NRG3: variants seen among roughly 807,000 people sequenced by gnomAD.
NRG3 encodes the protein pro-neuregulin-3, membrane-bound isoform.
A neutral mutation model predicts 66.9 loss-of-function variants in NRG3; 31 were observed. The observed-to-expected ratio is 0.46, with a 90% CI of 0.35 to 0.63. The LOEUF (loss-of-function observed/expected upper bound fraction) is 0.63, where lower values mean the gene tolerates loss of function less well. Ranked by LOEUF, NRG3 falls within the 20% of genes least tolerant of loss-of-function variation. The pLI is 0.00. For synonymous variants in NRG3, 393 were observed against 359.4 expected (o/e 1.09, Z -1.06); for missense variants, 910 against 878.9 (o/e 1.04, Z -0.45).
chr10:82,424,515 A>T (rs2089292053), intron 2 of NRG3, among the ~76,000 whole-genome samples: 1 of 152,026 alleles, frequency 6.6e-6, no homozygotes, highest in Non-Finnish European at 1.5e-5. Context: ...TTATTATATG[A>T]CATTTTCATA....
At chr10:82,166,375 A>G (rs2072062961) in intron 1 of NRG3, among the ~76,000 whole-genome samples, 1 of 152,086 alleles carries the variant, frequency 6.6e-6, no homozygotes, top group Non-Finnish European at 1.5e-5. Context: ...TTAGCTATAA[A>G]TCTCTGCTTT....
chr10:82,804,497 G>A (rs1045654163), intron 3 of NRG3, among the ~76,000 whole-genome samples: 1 of 152,074 alleles, frequency 6.6e-6, no homozygotes, highest in Admixed American at 6.5e-5. Context: ...ATCCACAGGG[G>A]GTCGAGGATA....
intron 2 of NRG3, among the ~76,000 whole-genome samples, chr10:82,425,592 G>A (rs964897480): frequency 6.6e-6 from 1 of 152,034 alleles, no homozygotes; most frequent in African/African-American, 2.4e-5. Context: ...TCTTCAGGCT[G>A]TGTTTTTTAT....
intron 4 of NRG3, among the ~76,000 whole-genome samples, chr10:82,938,824 C>G (rs1211188480): frequency 6.6e-6 from 1 of 152,188 alleles, no homozygotes; most frequent in African/African-American, 2.4e-5. Flanking sequence ...TGTTATTGTT[C>G]CAAGTCACAT....
chr10:82,301,571 A>G (rs2080400222), intron 1 of NRG3, among the ~76,000 whole-genome samples: 1 of 151,798 alleles, frequency 6.6e-6, no homozygotes, highest in Non-Finnish European at 1.5e-5. Flanking sequence ...CTATTCTGAA[A>G]GAAGCAAATT....
intron 1 of NRG3, among the ~76,000 whole-genome samples, chr10:82,338,036 T>C (rs965375103): frequency 1.3e-5 from 2 of 152,216 alleles, no homozygotes; most frequent in African/African-American, 4.8e-5. Flanking sequence ...TGCATCGATA[T>C]GAAGATGTAC....
chr10:82,543,116 T>C (rs1199831593), intron 2 of NRG3, among the ~76,000 whole-genome samples: 1 of 152,096 alleles, frequency 6.6e-6, no homozygotes, highest in Non-Finnish European at 1.5e-5. Context: ...GGTCTTGAAC[T>C]CCTGACCTCA....
intron 8 of NRG3, among the ~76,000 whole-genome samples, chr10:82,981,346 T>A (rs1365995539): frequency 6.6e-6 from 1 of 152,240 alleles, no homozygotes; most frequent in Non-Finnish European, 1.5e-5. Context: ...TGTTGATAAA[T>A]GGTGACTCTA....
At position 82,779,887 on chromosome 10, in the gene NRG3, C is replaced by T. The variant is rs370389497; in HGVS notation, c.1027+41237C>T. Among the ~76,000 whole-genome samples the T allele has an allele frequency of 1.4e-3, 206 of 147,678 alleles. 2 individuals carry two copies. Among genetic ancestry groups the T allele is most frequent in the African/African-American group, 5.0e-3 (199 of 39,952 alleles). On this transcript the variant is annotated intron_variant, in intron 3 of 8. Coordinates refer to ENST00000372141, the MANE Select transcript of NRG3 (RefSeq NM_001010848.4). ...ATCCCTCCCCTAGCCCCCCACCCCC[C>T]GACAGGCCCCGGTGTGATATTCTCC...
intron 2 of NRG3, among the ~76,000 whole-genome samples, chr10:82,551,994 C>G (rs1009657874): frequency 1.3e-5 from 2 of 151,874 alleles, no homozygotes; most frequent in African/African-American, 4.8e-5. Context: ...TGGGCCCATT[C>G]GAACTGTAGT....
chr10:82,901,442 G>A (rs1230121981), intron 4 of NRG3, among the ~76,000 whole-genome samples: 1 of 151,436 alleles, frequency 6.6e-6, no homozygotes, highest in African/African-American at 2.4e-5. Flanking sequence ...ACAAAAGGAT[G>A]GAAGCCAAAA....
intron 1 of NRG3, among the ~76,000 whole-genome samples, chr10:82,254,216 C>G (rs1041640339): frequency 6.6e-6 from 1 of 152,144 alleles, no homozygotes; most frequent in Non-Finnish European, 1.5e-5. Context: ...TCCAGATATG[C>G]TCACTTACTA....
In NRG3 at chr10:82,835,122, G is replaced by T. The variant is rs1003638296; in HGVS notation, c.1028-30289G>T. Among the ~76,000 whole-genome samples, 14 of 152,246 alleles carry T rather than the reference G, an allele frequency of 9.2e-5. No homozygotes were observed. In the South Asian group the frequency reaches 2.9e-3, roughly 32 times the overall value. On this transcript the variant is annotated intron_variant, in intron 3 of 8. Transcript: ENST00000372141. The stretch of plus-strand genomic sequence containing the variant: ...TCTGGTTTCCTGAGAGCTGCCTTTG[G>T]CAGTCACAGTTGGAAATGACATTTT...
At chr10:82,591,166 T>C (rs1055320182) in intron 2 of NRG3, among the ~76,000 whole-genome samples, 7 of 152,136 alleles carry the variant, frequency 4.6e-5, no homozygotes, top group Non-Finnish European at 8.8e-5. Flanking sequence ...CGGGCTTCCA[T>C]TGAGTTCTTA....
chr10:81,900,092 G>A (rs1170700260), intron 1 of NRG3, among the ~76,000 whole-genome samples: 2 of 151,804 alleles, frequency 1.3e-5, no homozygotes, highest in African/African-American at 4.8e-5. Flanking sequence ...GATTGCAGGC[G>A]CCTGCCACCA....
intron 1 of NRG3, among the ~76,000 whole-genome samples, chr10:81,918,061 T>A (rs1224631897): frequency 2.0e-5 from 3 of 152,216 alleles, no homozygotes; most frequent in Non-Finnish European, 4.4e-5. Flanking sequence ...ATACAATGGA[T>A]CTGTGTCCCG....
intron 4 of NRG3, among the ~76,000 whole-genome samples, chr10:82,913,468 T>A (rs747354666): frequency 2.0e-5 from 3 of 152,206 alleles, no homozygotes; most frequent in Non-Finnish European, 2.9e-5. Flanking sequence ...CTTAACATTT[T>A]TTGCAAGGTA....
intron 2 of NRG3, among the ~76,000 whole-genome samples, chr10:82,515,498 C>T (rs1845571181): frequency 1.3e-5 from 2 of 152,134 alleles, no homozygotes; most frequent in East Asian, 3.9e-4. Context: ...ATTGTTTCAC[C>T]AGTTTTCCTT....
intron 2 of NRG3, among the ~76,000 whole-genome samples, chr10:82,562,669 G>GT (rs1176154905): frequency 6.6e-6 from 1 of 152,078 alleles, no homozygotes; most frequent in Non-Finnish European, 1.5e-5. Context: ...TATAGTAAAA[G>GT]TTTTTTCTCA....
Sources: allele counts gnomAD v4.1 joint callset (sites outside exome capture counted in the v4.1 genomes callset), GRCh38; gene constraint gnomAD v4.1.1; transcripts MANE v1.5; gene names NCBI Gene and HGNC (gene_info 2026-07-23, HGNC 2026-07-21).